FRAS1: variants seen among roughly 807,000 people sequenced by gnomAD.
The protein encoded by FRAS1 is extracellular matrix organizing protein FRAS1.
In FRAS1, 290 loss-of-function variants were observed where a neutral mutation model predicts 435.2. The observed-to-expected ratio is 0.67, with a 90% CI of 0.61 to 0.73. The LOEUF is 0.73. Among genes scored for constraint, FRAS1 ranks in the 30% least tolerant of loss-of-function variants. The pLI, the probability that FRAS1 is intolerant of heterozygous loss-of-function variation, is 0.00. For missense variants in FRAS1, 4,860 were observed against 5,001.5 expected (o/e 0.97, Z 0.85); for synonymous variants, 1,800 against 1,851.0 (o/e 0.97, Z 0.71).
chr4:78,494,601 C>T (rs916422500), intron 59 of FRAS1, among the ~76,000 whole-genome samples: 8 of 152,088 alleles, frequency 5.3e-5, no homozygotes, highest in Non-Finnish European at 1.2e-4. Flanking sequence ...GAGAACTGTC[C>T]CCATCACCCA....
chr4:78,307,387 T>C (rs964978544), intron 14 of FRAS1, among the ~76,000 whole-genome samples: 1 of 152,186 alleles, frequency 6.6e-6, no homozygotes, highest in African/African-American at 2.4e-5. Context: ...TGTGGTGGGG[T>C]CCACCCAGTT....
At chr4:78,310,991 C>A (rs755185027) in intron 15 of FRAS1, among the ~76,000 whole-genome samples, 2 of 152,070 alleles carry the variant, frequency 1.3e-5, no homozygotes, top group Admixed American at 6.6e-5. Flanking sequence ...ACCTGTGGTA[C>A]GTGTATTGCG....
chr4:78,080,895 G>A (rs1373863930), intron 2 of FRAS1, among the ~76,000 whole-genome samples: 1 of 152,154 alleles, frequency 6.6e-6, no homozygotes, highest in African/African-American at 2.4e-5. Context: ...CTTGAAACTG[G>A]GATGTGCAGG....
rs779238141 is a variant in FRAS1 at position 78,469,964 on chromosome 4, G to A, written c.7258-14G>A. ...TTGTGAATGATGAGTTTTCTTTTCTGCCCTCCCCTTCAGATTATGACAGCA... is the reference window on the plus strand; with the variant it reads ...TTGTGAATGATGAGTTTTCTTTTCTACCCTCCCCTTCAGATTATGACAGCA... On this transcript the variant is annotated splice_polypyrimidine_tract_variant and intron_variant, in intron 50 of 73. Transcript: ENST00000512123. The A allele has an allele frequency of 1.4e-5, 22 of 1,595,184 alleles. No homozygotes were observed. The highest frequency in any genetic ancestry group is 1.9e-5 in the Non-Finnish European group (22 of 1,164,020).
chr4:78,067,710 TA>T lies in FRAS1; in HGVS notation c.108+1695del, dbSNP rs1195901993. ...TTATTATTATTATTATTATTATTAT[TA>T]TTTGTAAGATAGGGTCTCGCTCTGT... On this transcript the variant is annotated intron_variant, in intron 2 of 73. Transcript: ENST00000512123. Among the ~76,000 whole-genome samples the T allele has an allele frequency of 4.8e-4, 70 of 145,294 alleles. No homozygotes were observed. In the Middle Eastern group the frequency reaches 0.011, roughly 23 times the overall value.
chr4:78,212,440 G>A (rs757914672), intron 2 of FRAS1, among the ~76,000 whole-genome samples: 23 of 152,090 alleles, frequency 1.5e-4, no homozygotes, highest in Non-Finnish European at 3.1e-4. Context: ...TCAAAGAAGT[G>A]AGTCTGAAGA....
intron 2 of FRAS1, chr4:78,181,836 G>T: frequency 6.2e-7 from 1 of 1,612,044 alleles, no homozygotes; most frequent in Non-Finnish European, 8.5e-7. Context: ...GACTCCTTGC[G>T]CAGCTGTTTG....
At chr4:78,391,872 T>G (rs1293831595) in intron 29 of FRAS1, among the ~76,000 whole-genome samples, 1 of 152,196 alleles carries the variant, frequency 6.6e-6, no homozygotes, top group African/African-American at 2.4e-5. Context: ...GTTGGTTTGA[T>G]AATAGTGACA....
intron 68 of FRAS1, among the ~76,000 whole-genome samples, chr4:78,521,879 A>G (rs945811462): frequency 6.6e-6 from 1 of 152,240 alleles, no homozygotes; most frequent in Non-Finnish European, 1.5e-5. Context: ...ACATTCTCTT[A>G]TAGAATCACA....
chr4:78,537,167 A>G lies in FRAS1; in HGVS notation c.11265A>G (p.Pro3755=). 6.2e-7 allele frequency: 1 copy of G among 1,614,012 alleles called. No individual in the cohort carries two copies. The highest frequency in any genetic ancestry group is 1.3e-5 in the African/African-American group (1 of 75,058). Reference sequence around the variant, plus strand: ...GGCCCCAGTATGGATGCATTCAGCCAAACAAACACCTAAAACACAGATTCC... The same window carrying G: ...GGCCCCAGTATGGATGCATTCAGCCGAACAAACACCTAAAACACAGATTCC... ...NEGPQYGCIQ[P]NKHLKHRFLL... The change falls in exon 72 of 74, where the codon CCA becomes CCG. Residue 3755 remains proline (P), a synonymous_variant. Transcript: ENST00000512123.
rs6838959 is a variant in FRAS1, at chr4:78,284,435, C to G, written c.1286C>G (p.Ser429Cys). The change falls in exon 13 of 74, where the codon TCT (serine) becomes TGT (cysteine). Residue 429 changes from serine (S) to cysteine (C), a missense_variant. Physicochemically the swap from Ser to Cys is moderately radical, Grantham distance 112. Coordinates refer to ENST00000512123, the MANE Select transcript of FRAS1 (RefSeq NM_025074.7). ...TGCCATCCAGATTGTTTGACATGCT[C>G]TCAGTCTCCAGACCACTGTGACCTC... is the stretch of plus-strand genomic sequence containing the variant. Reference protein sequence around the residue: ...VHCHPDCLTCSQSPDHCDLCQ... With the variant: ...VHCHPDCLTCCQSPDHCDLCQ... The G allele has an allele frequency of 2.0e-5, 32 of 1,613,730 alleles. No individual in the cohort carries two copies. Among genetic ancestry groups the G allele is most frequent in the Non-Finnish European group, 2.4e-5 (28 of 1,179,854 alleles).
intron 14 of FRAS1, among the ~76,000 whole-genome samples, chr4:78,300,949 G>A (rs759764173): frequency 2.6e-5 from 4 of 152,074 alleles, no homozygotes; most frequent in Non-Finnish European, 4.4e-5. Context: ...ACTCTTTATT[G>A]CAGAGCCCTT....
chr4:78,376,726 C>G (rs919296164), intron 26 of FRAS1, among the ~76,000 whole-genome samples: 1 of 152,152 alleles, frequency 6.6e-6, no homozygotes, highest in African/African-American at 2.4e-5. Flanking sequence ...CATGGTGGCT[C>G]ACGCCTGTAA....
intron 20 of FRAS1, among the ~76,000 whole-genome samples, chr4:78,354,347 G>C (rs905342167): frequency 3.3e-5 from 5 of 152,240 alleles, no homozygotes; most frequent in African/African-American, 1.2e-4. Context: ...AGTCTCATTT[G>C]GTTGGTTGGT....
Position 78,245,232 on chromosome 4 carries a change from G to A in FRAS1, c.217-1G>A. The A allele has an allele frequency of 1.9e-6, 3 of 1,601,314 alleles. No homozygotes were observed. In the South Asian group the frequency reaches 3.4e-5, roughly 18 times the overall value. ...ACTTTGAGCTGCTTTTAAATGCTCA[G>A]GGAGAAGTGCTTCAAATAGCTGCCA... On this transcript the variant is annotated splice_acceptor_variant, in intron 3 of 73. Coordinates refer to ENST00000512123, the MANE Select transcript of FRAS1 (RefSeq NM_025074.7). LOFTEE classifies it high-confidence loss of function.
intron 29 of FRAS1, among the ~76,000 whole-genome samples, chr4:78,392,503 A>G (rs1485311872): frequency 6.6e-6 from 1 of 152,064 alleles, no homozygotes; most frequent in Admixed American, 6.6e-5. Flanking sequence ...TTTCTCCAAA[A>G]GATGGAGGCT....
intron 2 of FRAS1, among the ~76,000 whole-genome samples, chr4:78,170,827 G>A (rs1250717841): frequency 1.3e-5 from 2 of 151,924 alleles, no homozygotes; most frequent in African/African-American, 2.4e-5. Context: ...TGTCACGGGT[G>A]GCCCCACAGT....
intron 30 of FRAS1, among the ~76,000 whole-genome samples, chr4:78,401,895 A>G (rs1446496938): frequency 6.7e-6 from 1 of 149,372 alleles, no homozygotes; most frequent in Non-Finnish European, 1.5e-5. Flanking sequence ...AACTAATAGA[A>G]ACTACCACAG....
chr4:78,115,366 C>G (rs1213087744), intron 2 of FRAS1, among the ~76,000 whole-genome samples: 1 of 152,108 alleles, frequency 6.6e-6, no homozygotes, highest in Non-Finnish European at 1.5e-5. Context: ...GGAGGATTTC[C>G]TCTTTTTCTA....
Sources: allele counts gnomAD v4.1 joint callset (sites outside exome capture counted in the v4.1 genomes callset), GRCh38; gene constraint gnomAD v4.1.1; transcripts MANE v1.5; gene names NCBI Gene and HGNC (gene_info 2026-07-23, HGNC 2026-07-21).